Variants in RASGRF1 observed in about 807,000 individuals in gnomAD.
RASGRF1 encodes Ras protein specific guanine nucleotide releasing factor 1.
Under a neutral mutation model 138.7 loss-of-function variants are expected in RASGRF1, and 40 were observed. The observed-to-expected ratio is 0.29, with a 90% confidence interval of 0.22 to 0.38. RASGRF1 has a LOEUF of 0.38. RASGRF1 is among the 10% of genes least tolerant of loss of function. The probability of loss-of-function intolerance (pLI) is 1.00; values close to 1 mark genes in which losing one functional copy is unlikely to be tolerated. For missense variants in RASGRF1, 1,108 were observed against 1,650.4 expected, an observed-to-expected ratio of 0.67 and a Z score of 5.69; for synonymous variants, 614 against 663.2, an observed-to-expected ratio of 0.93 and a Z score of 1.14.
In RASGRF1 at chr15:79,066,700, T is replaced by C. The variant is rs765738328; in HGVS notation, c.277-2174A>G. ...CAGATGGCTCCCTGCTACCCATGTG[T>C]ACTGGAATCCCCTACAGCCTCACCC... is the stretch of plus-strand genomic sequence containing the variant. On this transcript the variant is annotated intron_variant, in intron 1 of 26. Coordinates refer to ENST00000558480, the MANE Select transcript of RASGRF1 (RefSeq NM_001145648.3). 5.5e-4 allele frequency among the ~76,000 whole-genome samples: 83 copies of C among 152,210 alleles called. 2 individuals are homozygous for C. Among genetic ancestry groups the C allele is most frequent in the Admixed American group, 5.1e-3 (78 of 15,288 alleles).
intron 24 of RASGRF1, among the ~76,000 whole-genome samples, chr15:78,974,029 A>G (rs1023301903): frequency 6.6e-6 from 1 of 152,118 alleles, no homozygotes; most frequent in Non-Finnish European, 1.5e-5. Flanking sequence ...GTTGGGTGAT[A>G]GTTTCCATGG....
chr15:78,998,200 C>G lies in RASGRF1; in HGVS notation c.2862G>C (p.Glu954Asp). ...CCTTGCATTTGAGCTCATCGTTGGT[C>G]TCAAAGTCCTGCCGGGAAGGTGTGA... ...HWVSKHSQDF[E>D]TNDELKCKVI... The change falls in exon 19 of 27, where the codon GAG becomes GAC. Residue 954 changes from glutamate (E) to aspartate (D), a missense_variant. Glu to Asp is a conservative substitution (Grantham distance 45, BLOSUM62 2). Transcript: ENST00000558480. 6.2e-7 allele frequency: 1 copy of G among 1,614,066 alleles called. No homozygotes were observed. Among genetic ancestry groups the G allele is most frequent in the Non-Finnish European group, 8.5e-7 (1 of 1,179,910 alleles).
At position 79,027,706 on chromosome 15, in the gene RASGRF1, G is replaced by A; in HGVS notation, c.1381+35C>T. The A allele has an allele frequency of 6.3e-7, 1 of 1,591,910 alleles. No homozygotes were observed. The highest frequency in any genetic ancestry group is 8.6e-7 in the Non-Finnish European group (1 of 1,161,692). ...CCCTCCCGCTGCTGGGGCCCACCTG[G>A]TGGGGGCAGGGGAGACAGGGTGCAG... On this transcript the variant is annotated intron_variant, in intron 9 of 26. Coordinates refer to ENST00000558480, the MANE Select transcript of RASGRF1 (RefSeq NM_001145648.3). This position sits in a 1 kb window ranked among gnomAD's most constrained non-coding sequence, Gnocchi z 4.8.
chr15:79,015,484 T>G (rs953242233), intron 12 of RASGRF1, 75 bp from the exon 13 acceptor site: 1 of 1,358,342 alleles, frequency 7.4e-7, no homozygotes, highest in Admixed American at 1.7e-5. Flanking sequence ...CTCTGCCAAC[T>G]GTAAAGTTCA....
intron 12 of RASGRF1, among the ~76,000 whole-genome samples, chr15:79,016,744 G>A (rs2141765982): frequency 6.6e-6 from 1 of 152,362 alleles, no homozygotes; most frequent in South Asian, 2.1e-4. Context: ...TGCGAGATGG[G>A]CAGGTGGGCC....
intron 10 of RASGRF1, among the ~76,000 whole-genome samples, chr15:79,022,702 G>A (rs1451516796): frequency 6.6e-6 from 1 of 152,156 alleles, no homozygotes; most frequent in African/African-American, 2.4e-5. Flanking sequence ...TAAAACAGAA[G>A]TATTCAATAT....
At chr15:78,993,405 G>A (rs2141668126) in intron 20 of RASGRF1, among the ~76,000 whole-genome samples, 1 of 152,006 alleles carries the variant, frequency 6.6e-6, no homozygotes, top group Non-Finnish European at 1.5e-5. Context: ...GTGTGTTTGT[G>A]TGGTGGCTGT....
intron 5 of RASGRF1, among the ~76,000 whole-genome samples, chr15:79,040,169 T>G (rs1218455458): frequency 5.9e-5 from 9 of 152,098 alleles, no homozygotes; most frequent in Admixed American, 2.0e-4. Flanking sequence ...CCTCCTTCTC[T>G]TCTCATTAAA....
At chr15:78,987,185 A>C (rs1039710556) in intron 22 of RASGRF1, among the ~76,000 whole-genome samples, 9 of 152,192 alleles carry the variant, frequency 5.9e-5, no homozygotes, top group African/African-American at 2.2e-4. Flanking sequence ...TGAATATTAG[A>C]AAAAAAGTAT....
In RASGRF1 at chr15:79,049,535, G is replaced by A. The variant is rs1032250389; in HGVS notation, c.585C>T (p.Ala195=). 6.2e-7 allele frequency: 1 copy of A among 1,614,062 alleles called. No individual in the cohort carries two copies. Among genetic ancestry groups the A allele is most frequent in the Non-Finnish European group, 8.5e-7 (1 of 1,180,010 alleles). The part of the protein sequence containing the change: ...NERIQSTQTV[A]PNDEDSDIKK... Reference sequence around the variant, plus strand: ...TGATGTCGCTGTCTTCATCGTTGGGGGCGACAGTCTGGGTGGACTGGATGC... The same window carrying A: ...TGATGTCGCTGTCTTCATCGTTGGGAGCGACAGTCTGGGTGGACTGGATGC... Residue 195 remains alanine (A), a synonymous_variant, in exon 4 of 27, where the codon GCC becomes GCT. Transcript: ENST00000558480.
Position 79,015,284 on chromosome 15 carries a change from C to T in RASGRF1, c.1826+43G>A, listed in dbSNP as rs763108588. Reference sequence around the variant, plus strand: ...TGGCTGTCACCTTGTGGTACTCAGTCTCTGGAATGCTGCCTGGTCAAGATG... The same window carrying T: ...TGGCTGTCACCTTGTGGTACTCAGTTTCTGGAATGCTGCCTGGTCAAGATG... On this transcript the variant is annotated intron_variant, in intron 13 of 26. Transcript: ENST00000558480. 6.4e-6 allele frequency: 10 copies of T among 1,560,652 alleles called. No homozygotes were observed. In the South Asian group the frequency reaches 1.1e-4, roughly 17 times the overall value.
intron 1 of RASGRF1, among the ~76,000 whole-genome samples, chr15:79,085,440 A>G (rs918176371): frequency 6.6e-6 from 1 of 152,204 alleles, no homozygotes; most frequent in African/African-American, 2.4e-5. Context: ...GAGTTTGAAT[A>G]TCTTTCTAAA....
Position 79,049,435 on chromosome 15 carries a change from C to G in RASGRF1, c.624+61G>C. The G allele has an allele frequency of 2.0e-6, 3 of 1,524,958 alleles. No individual in the cohort carries two copies. The East Asian group carries it at 6.8e-5, about 35-fold the overall frequency. The allele number at this position is 1,524,958 out of a possible 1,614,324, so 94.5% of individuals were successfully genotyped here. On this transcript the variant is annotated intron_variant, in intron 4 of 26. Transcript: ENST00000558480. ...GGGCTGTGGTGTGGATACTGCCAAC[C>G]CTGGGCTGGCTCTCTAAAGAGAGAG...
intron 20 of RASGRF1, among the ~76,000 whole-genome samples, chr15:78,995,290 C>CTTTT (rs35098582): frequency 1.5e-5 from 2 of 132,436 alleles, no homozygotes; most frequent in African/African-American, 2.9e-5. Flanking sequence ...TTTTTTCTTT[C>CTTTT]TTTTTTTTTT....
chr15:79,082,820 C>T (rs779422759), intron 1 of RASGRF1, among the ~76,000 whole-genome samples: 6 of 152,128 alleles, frequency 3.9e-5, no homozygotes, highest in Non-Finnish European at 8.8e-5. Flanking sequence ...CTAAGATTTC[C>T]ATCCTATTTT....
At chr15:79,028,490 T>G (rs2057092222) in intron 8 of RASGRF1, among the ~76,000 whole-genome samples, 1 of 152,104 alleles carries the variant, frequency 6.6e-6, no homozygotes, top group African/African-American at 2.4e-5. Context: ...GGAGGGAATA[T>G]AGACAACTCC....
At chr15:79,010,913 G>A (rs2056782864) in intron 13 of RASGRF1, among the ~76,000 whole-genome samples, 1 of 152,162 alleles carries the variant, frequency 6.6e-6, no homozygotes, top group African/African-American at 2.4e-5. Context: ...TCATGTTAGG[G>A]GCTGGTGGGA....
intron 26 of RASGRF1, among the ~76,000 whole-genome samples, chr15:78,966,141 T>G (rs1005233226): frequency 3.3e-5 from 5 of 152,188 alleles, no homozygotes; most frequent in African/African-American, 1.2e-4. Flanking sequence ...ATGTTTGATC[T>G]TGTTATTAAA....
chr15:79,051,738 C>A (rs2057433023), intron 3 of RASGRF1, among the ~76,000 whole-genome samples: 1 of 152,194 alleles, frequency 6.6e-6, no homozygotes, highest in Non-Finnish European at 1.5e-5. Context: ...AGGTCAGGCA[C>A]CATCCTACAT....
Sources: allele counts gnomAD v4.1 joint callset (sites outside exome capture counted in the v4.1 genomes callset), GRCh38; gene constraint gnomAD v4.1.1; non-coding constraint Gnocchi (gnomAD v3.1); transcripts MANE v1.5; gene names NCBI Gene and HGNC (gene_info 2026-07-23, HGNC 2026-07-21).